The following AUTS2 variants were observed in gnomAD, a reference collection of about 807,000 sequenced individuals.
The protein encoded by AUTS2 is activator of transcription and developmental regulator AUTS2, also known as autism susceptibility gene 2 protein.
A neutral mutation model predicts 112.4 loss-of-function variants in AUTS2; 17 were observed. The observed-to-expected ratio is 0.15, with a 90% CI of 0.10 to 0.23. The LOEUF (loss-of-function observed/expected upper bound fraction) is 0.23. Ranked by LOEUF, AUTS2 falls within the 10% of genes least tolerant of loss-of-function variation. The probability of loss-of-function intolerance (pLI) is 1.00; values close to 1 mark genes in which losing one functional copy is unlikely to be tolerated. For synonymous variants in AUTS2, 751 were observed against 702.7 expected (o/e 1.07, Z -1.09); for missense variants, 1,510 against 1,701.6 (o/e 0.89, Z 1.98).
intron 5 of AUTS2, among the ~76,000 whole-genome samples, chr7:70,664,733 C>T (rs1466783761): frequency 6.6e-6 from 1 of 152,126 alleles, no homozygotes; most frequent in Non-Finnish European, 1.5e-5. Flanking sequence ...CCAGCCCTGA[C>T]CCAGTAGTAA....
At chr7:70,274,952 A>G (rs1787861115) in intron 4 of AUTS2, among the ~76,000 whole-genome samples, 1 of 152,234 alleles carries the variant, frequency 6.6e-6, no homozygotes, top group Admixed American at 6.5e-5. Flanking sequence ...ATGTTCATAG[A>G]AGCATTATTC....
At chr7:70,782,086 C>G (rs563480897) in intron 15 of AUTS2, 3 of 278,832 alleles carry the variant, frequency 1.1e-5, no homozygotes, top group South Asian at 1.1e-4. Context: ...AAGGGCAGAT[C>G]GGAAGGAAAC....
At chr7:69,995,578 A>T (rs1584544111) in intron 2 of AUTS2, among the ~76,000 whole-genome samples, 1 of 152,152 alleles carries the variant, frequency 6.6e-6, no homozygotes, top group African/African-American at 2.4e-5. Flanking sequence ...TCCACAAATC[A>T]TTCTTTACTT....
chr7:70,424,488 T>TTGG (rs1795349181), intron 4 of AUTS2, among the ~76,000 whole-genome samples: 1 of 152,210 alleles, frequency 6.6e-6, no homozygotes, highest in Non-Finnish European at 1.5e-5. Flanking sequence ...ACTGGAAGCC[T>TTGG]TACTTACCTT....
chr7:70,117,671 T>A (rs191502070), intron 2 of AUTS2, among the ~76,000 whole-genome samples: 1 of 152,184 alleles, frequency 6.6e-6, no homozygotes, highest in Non-Finnish European at 1.5e-5. Context: ...ACCCTCTGTA[T>A]TTTTTCTATG....
chr7:70,420,044 T>G (rs561192913), intron 4 of AUTS2, among the ~76,000 whole-genome samples: 1 of 152,328 alleles, frequency 6.6e-6, no homozygotes, highest in South Asian at 2.1e-4. Context: ...AAAGGTCTCC[T>G]GGGGCTATGA....
At chr7:69,621,328 C>G in intron 1 of AUTS2, among the ~76,000 whole-genome samples, 1 of 152,164 alleles carries the variant, frequency 6.6e-6, no homozygotes, top group Middle Eastern at 3.2e-3. Context: ...GAGTTTTATT[C>G]TGATGTTGCT....
chr7:70,462,328 A>G (rs1011617864), intron 5 of AUTS2, among the ~76,000 whole-genome samples: 4 of 152,158 alleles, frequency 2.6e-5, no homozygotes, highest in African/African-American at 9.7e-5. Context: ...TTTGGAAAAA[A>G]GCAATTAAAA....
At chr7:69,678,526 G>A (rs1418074484) in intron 1 of AUTS2, among the ~76,000 whole-genome samples, 2 of 152,172 alleles carry the variant, frequency 1.3e-5, no homozygotes, top group African/African-American at 4.8e-5. Context: ...GCGAAATGGT[G>A]TTATTACTTA....
chr7:69,906,560 T>A (rs924384736), intron 2 of AUTS2, among the ~76,000 whole-genome samples: 22 of 152,242 alleles, frequency 1.4e-4, no homozygotes, highest in African/African-American at 4.8e-4. Flanking sequence ...GACATCTGAA[T>A]GCTCTTTAGC....
intron 5 of AUTS2, among the ~76,000 whole-genome samples, chr7:70,566,322 G>A (rs1399166267): frequency 3.3e-5 from 5 of 152,172 alleles, no homozygotes; most frequent in Non-Finnish European, 7.3e-5. Flanking sequence ...GATGGGAGAG[G>A]AAAGGTGTAT....
intron 2 of AUTS2, among the ~76,000 whole-genome samples, chr7:69,994,398 C>A (rs528796298): frequency 2.2e-4 from 33 of 152,282 alleles, no homozygotes; most frequent in Middle Eastern, 6.8e-3. Context: ...AAGGTTGTTA[C>A]TGCCAATTTC....
At chr7:70,526,808 C>G (rs1163734666) in intron 5 of AUTS2, among the ~76,000 whole-genome samples, 2 of 152,174 alleles carry the variant, frequency 1.3e-5, no homozygotes, top group Non-Finnish European at 2.9e-5. Flanking sequence ...TTTGAAGTTC[C>G]TGCCCTTGCC....
chr7:70,684,692 G>A (rs1445371901), intron 5 of AUTS2, among the ~76,000 whole-genome samples: 1 of 151,970 alleles, frequency 6.6e-6, no homozygotes, highest in African/African-American at 2.4e-5. Flanking sequence ...TGGTATGGTG[G>A]GGATGGACAG....
rs780713561 is a variant in AUTS2, at chr7:70,790,576, G to T, written c.3360G>T (p.Glu1120Asp). ...YEADRSFRDR[E>D]PHDYSHHHHH... ...CCGACCGCTCCTTCAGGGACCGGGA[G>T]CCTCACGACTACAGCCACCACCACC... Residue 1120 changes from glutamate (E) to aspartate (D), a missense_variant, in exon 19 of 19, where the codon GAG becomes GAT. Coordinates refer to ENST00000342771, the MANE Select transcript of AUTS2 (RefSeq NM_015570.4). The surrounding 1 kb of genome is among the most constrained non-coding windows in gnomAD (Gnocchi z 7.6). 5 of 1,602,484 alleles carry T rather than the reference G, an allele frequency of 3.1e-6. No homozygotes were observed. The highest frequency in any genetic ancestry group is 1.3e-5 in the African/African-American group (1 of 74,640).
At chr7:70,508,069 C>T (rs974930837) in intron 5 of AUTS2, among the ~76,000 whole-genome samples, 1 of 152,172 alleles carries the variant, frequency 6.6e-6, no homozygotes, top group Non-Finnish European at 1.5e-5. Context: ...TTGATTTAAT[C>T]GAAGAGCTGT....
rs1161825217 is a variant in AUTS2 at position 69,996,946 on chromosome 7, T to TA, written c.522+97466dup. ...CTTTTTCGAAATAACCTGGAACACTTAAAAAAAAAAAAAAAAAAGCAAACT... is the reference window on the plus strand; with the variant it reads ...CTTTTTCGAAATAACCTGGAACACTTAAAAAAAAAAAAAAAAAAAGCAAACT... On this transcript the variant is annotated intron_variant, in intron 2 of 18. Transcript: ENST00000342771. Among the ~76,000 whole-genome samples the TA allele has an allele frequency of 7.9e-3, 780 of 99,024 alleles. 14 individuals are homozygous for TA. The highest frequency in any genetic ancestry group is 0.013 in the African/African-American group (315 of 24,054). The allele number at this position is 99,024 out of a possible 152,430, so 65.0% of individuals were successfully genotyped here. A position where few individuals can be genotyped will look rare whatever the true frequency, so the allele number is the denominator to read the frequency against.
At chr7:70,184,364 A>G (rs1448588283) in intron 4 of AUTS2, among the ~76,000 whole-genome samples, 1 of 152,200 alleles carries the variant, frequency 6.6e-6, no homozygotes, top group Non-Finnish European at 1.5e-5. Flanking sequence ...ATCCTCCAAG[A>G]ACAAGAATTT....
chr7:69,705,347 C>G (rs1230162674), intron 1 of AUTS2, among the ~76,000 whole-genome samples: 5 of 152,122 alleles, frequency 3.3e-5, no homozygotes, highest in African/African-American at 1.2e-4. Flanking sequence ...GAGCTGATCC[C>G]AGATCTTAAT....
Sources: allele counts gnomAD v4.1 joint callset (sites outside exome capture counted in the v4.1 genomes callset), GRCh38; gene constraint gnomAD v4.1.1; non-coding constraint Gnocchi (gnomAD v3.1); transcripts MANE v1.5; gene names NCBI Gene and HGNC (gene_info 2026-07-23, HGNC 2026-07-21).